The following UFSP2 variants were observed in gnomAD, a reference collection of about 807,000 sequenced individuals.
The protein encoded by UFSP2 is UFM1 specific peptidase 2.
A neutral mutation model predicts 60.2 loss-of-function variants in UFSP2; 43 were observed. That is an observed-to-expected ratio of 0.71 (90% CI 0.56 to 0.92). The LOEUF (loss-of-function observed/expected upper bound fraction) is 0.92, where lower values mean the gene tolerates loss of function less well. Ranked by LOEUF, UFSP2 falls within the 40% of genes least tolerant of loss-of-function variation. The pLI is 0.00. For missense variants in UFSP2, 520 were observed against 575.0 expected (o/e 0.90, Z 0.98); for synonymous variants, 183 against 195.1 (o/e 0.94, Z 0.52).
intron 4 of UFSP2, among the ~76,000 whole-genome samples, chr4:185,417,524 C>T (rs1242215321): frequency 6.6e-6 from 1 of 152,184 alleles, no homozygotes; most frequent in East Asian, 1.9e-4. Context: ...TGCAATCCCT[C>T]TTCTCTATTT....
chr4:185,419,437 A>C (rs1364676065), intron 2 of UFSP2, among the ~76,000 whole-genome samples: 1 of 152,088 alleles, frequency 6.6e-6, no homozygotes, highest in Non-Finnish European at 1.5e-5. Context: ...GCCCTCCTAC[A>C]TCTTTTCTAA....
Position 185,400,341 on chromosome 4 carries a change from A to G in UFSP2, c.*51T>C, listed in dbSNP as rs2095511796. The G allele has an allele frequency of 3.6e-6, 5 of 1,380,392 alleles. No homozygotes were observed. The highest frequency in any genetic ancestry group is 5.1e-6 in the Non-Finnish European group (5 of 987,252). The allele number at this position is 1,380,392 out of a possible 1,614,324, so 85.5% of individuals were successfully genotyped here. On this transcript the variant is annotated 3_prime_UTR_variant, in exon 12 of 12. Transcript: ENST00000264689. ...ATGTGAAAAATTAAACTGATTCTTT[A>G]TTCACAAATTTATAATACCACTCTA...
At position 185,403,610 on chromosome 4, in the gene UFSP2, C is replaced by T; in HGVS notation, c.1207G>A (p.Val403Ile). Residue 403 changes from valine to isoleucine, a missense_variant, in exon 11 of 12, where the codon GTT (valine) becomes ATT (isoleucine). By Grantham distance (29) the Val-to-Ile change is conservative (BLOSUM62 3). Transcript: ENST00000264689. ...ACTCCTAGTATTGTGTGGGCCAAAA[C>T]TCCTCCCCCTATAGAAGAAAAAATA... The part of the protein sequence containing the change: ...EGTPVMIGGG[V>I]LAHTILGVAW... The T allele has an allele frequency of 1.2e-6, 2 of 1,610,436 alleles. No individual in the cohort carries two copies. The highest frequency in any genetic ancestry group is 1.7e-6 in the Non-Finnish European group (2 of 1,179,088).
Position 185,403,597 on chromosome 4 carries a change from G to C in UFSP2, c.1220C>G (p.Thr407Arg). Residue 407 changes from threonine (T) to arginine (R), a missense_variant, in exon 11 of 12, where the codon ACA becomes AGA. Physicochemically the swap from Thr to Arg is moderately conservative, Grantham distance 71 (BLOSUM62 -1). Coordinates refer to ENST00000264689, the MANE Select transcript of UFSP2 (RefSeq NM_018359.5). ...VMIGGGVLAH[T>R]ILGVAWNEIT... Reference sequence around the variant, plus strand: ...CTCATTCCATGCAACTCCTAGTATTGTGTGGGCCAAAACTCCTCCCCCTAT... The same window carrying C: ...CTCATTCCATGCAACTCCTAGTATTCTGTGGGCCAAAACTCCTCCCCCTAT... 1 of 1,613,222 alleles carries C rather than the reference G, an allele frequency of 6.2e-7. No homozygotes were observed. The highest frequency in any genetic ancestry group is 8.5e-7 in the Non-Finnish European group (1 of 1,179,778).
Position 185,425,855 on chromosome 4 carries a change from G to A in UFSP2, c.3+11C>T, listed in dbSNP as rs1215551692. ...AAAACACAGGGGTCGGTGACGAGCA[G>A]AGATACTCACCATGTCCGCGACGTG... On this transcript the variant is annotated intron_variant, in intron 1 of 11. Transcript: ENST00000264689. The A allele has an allele frequency of 1.2e-6, 2 of 1,604,410 alleles. No individual in the cohort carries two copies. The highest frequency in any genetic ancestry group is 1.7e-6 in the Non-Finnish European group (2 of 1,175,702).
At chr4:185,417,966 C>G (rs1237290934) in intron 4 of UFSP2, among the ~76,000 whole-genome samples, 1 of 151,646 alleles carries the variant, frequency 6.6e-6, no homozygotes, top group Non-Finnish European at 1.5e-5. Flanking sequence ...ATCACTTGAA[C>G]CCGGGAGGCG....
intron 4 of UFSP2, among the ~76,000 whole-genome samples, chr4:185,417,504 A>C (rs1015317917): frequency 6.6e-6 from 1 of 152,126 alleles, no homozygotes; most frequent in African/African-American, 2.4e-5. Context: ...ATCCCTAAAT[A>C]TCTCTTGTAT....
chr4:185,423,447 T>C (rs934709373), intron 1 of UFSP2, among the ~76,000 whole-genome samples: 1 of 152,200 alleles, frequency 6.6e-6, no homozygotes, highest in African/African-American at 2.4e-5. Flanking sequence ...TTTATATTCA[T>C]AGGCTTGATC....
intron 7 of UFSP2, among the ~76,000 whole-genome samples, chr4:185,412,295 A>G (rs2095530739): frequency 6.6e-6 from 1 of 152,202 alleles, no homozygotes; most frequent in African/African-American, 2.4e-5. Flanking sequence ...CTAAGGAACT[A>G]TTCTTTTTGT....
intron 10 of UFSP2, among the ~76,000 whole-genome samples, chr4:185,404,364 C>G (rs368376143): frequency 6.8e-6 from 1 of 146,216 alleles, no homozygotes; most frequent in African/African-American, 2.6e-5. Flanking sequence ...AGCGTGACCT[C>G]GGCTCACTGC....
chr4:185,418,439 ACCATGTCTGATAACTTTTTGT>A lies in UFSP2; in HGVS notation c.314_333+1del. On this transcript the variant is annotated splice_donor_variant and coding_sequence_variant, in exon 4 of 12. Coordinates refer to ENST00000264689, the MANE Select transcript of UFSP2 (RefSeq NM_018359.5). LOFTEE classifies it high-confidence loss of function. ...AGTACAGAAGACAGATAGTTTGCTT[ACCATGTCTGATAACTTTTTGT>A]CCTTCTTTCTCATGAATTTTCTTTT... is the stretch of plus-strand genomic sequence containing the variant. 1 of 1,601,794 alleles carries A rather than the reference ACCATGTCTGATAACTTTTTGT, an allele frequency of 6.2e-7. No individual in the cohort carries two copies. Among genetic ancestry groups the A allele is most frequent in the Non-Finnish European group, 8.5e-7 (1 of 1,169,976 alleles).
At chr4:185,403,934 G>A (rs1441167395) in intron 10 of UFSP2, among the ~76,000 whole-genome samples, 8 of 125,948 alleles carry the variant, frequency 6.4e-5, no homozygotes, top group South Asian at 2.7e-4. Context: ...TCATGCCACC[G>A]CACTCCAGCC....
rs75415917 is a variant in UFSP2, at chr4:185,408,335, C to G, written c.932G>C (p.Cys311Ser). Residue 311 changes from cysteine (C) to serine (S), a missense_variant, in exon 8 of 12, where the codon TGC (cysteine) becomes TCC (serine). Coordinates refer to ENST00000264689, the MANE Select transcript of UFSP2 (RefSeq NM_018359.5). ...GTATCCCTGATGTTTGAACCAAGAGCAGATAGTCTGCAGAGATCGATAAGC... is the reference window on the plus strand; with the variant it reads ...GTATCCCTGATGTTTGAACCAAGAGGAGATAGTCTGCAGAGATCGATAAGC... ...GCAYRSLQTI[C>S]SWFKHQGYTE... is the part of the protein sequence containing the mutation. The G allele has an allele frequency of 2.5e-3, 4,073 of 1,614,114 alleles. 79 individuals are homozygous for G. In the African/African-American group the frequency reaches 0.046, roughly 18 times the overall value.
At chr4:185,425,343 G>A (rs766570450) in intron 1 of UFSP2, among the ~76,000 whole-genome samples, 2 of 152,018 alleles carry the variant, frequency 1.3e-5, no homozygotes, top group African/African-American at 2.4e-5. Flanking sequence ...GTGGAGGCAC[G>A]GTTAGCAGAT....
chr4:185,422,639 G>C, intron 1 of UFSP2, 76 bp from the exon 2 acceptor site: 1 of 964,448 alleles, frequency 1.0e-6, no homozygotes. Context: ...TAGAATCTAA[G>C]TTTAGTGTTA....
chr4:185,400,156 A>G lies in UFSP2; in HGVS notation c.*236T>C. 1.2e-6 allele frequency: 1 copy of G among 824,920 alleles called. No individual in the cohort carries two copies. The highest frequency in any genetic ancestry group is 1.8e-5 in the South Asian group (1 of 56,698). 51.1% of individuals were successfully genotyped at this position (824,920 alleles called of 1,614,324 possible). On this transcript the variant is annotated 3_prime_UTR_variant, in exon 12 of 12. Coordinates refer to ENST00000264689, the MANE Select transcript of UFSP2 (RefSeq NM_018359.5). Reference sequence around the variant, plus strand: ...AAAACTTTCTTCCAAGTGAAGATCCATTTAAGAACACATGTATTTACATGC... The same window carrying G: ...AAAACTTTCTTCCAAGTGAAGATCCGTTTAAGAACACATGTATTTACATGC...
chr4:185,422,567 GAACA>G lies in UFSP2; in HGVS notation c.4-8_4-5del. 6.3e-7 allele frequency: 1 copy of G among 1,586,862 alleles called. No individual in the cohort carries two copies. The highest frequency in any genetic ancestry group is 8.6e-7 in the Non-Finnish European group (1 of 1,169,514). On this transcript the variant is annotated splice_polypyrimidine_tract_variant and splice_region_variant and intron_variant, in intron 1 of 11. Coordinates refer to ENST00000264689, the MANE Select transcript of UFSP2 (RefSeq NM_018359.5). Reference sequence around the variant, plus strand: ...TATCCATACTTTCTGAAATCACCTAGAACAAATAAAGATAAAGACAAACTCCCTT... The same window carrying G: ...TATCCATACTTTCTGAAATCACCTAGAATAAAGATAAAGACAAACTCCCTT...
At chr4:185,416,900 T>G (rs148339697) in intron 4 of UFSP2, among the ~76,000 whole-genome samples, 1 of 152,226 alleles carries the variant, frequency 6.6e-6, no homozygotes, top group Non-Finnish European at 1.5e-5. Context: ...TTTAGAAAAA[T>G]CACCACTTTG....
In UFSP2 at chr4:185,411,132, T is replaced by TA. The variant is rs76464296; in HGVS notation, c.831+2593dup. On this transcript the variant is annotated intron_variant, in intron 7 of 11. Coordinates refer to ENST00000264689, the MANE Select transcript of UFSP2 (RefSeq NM_018359.5). The stretch of plus-strand genomic sequence containing the variant: ...ACAAAGCCAAAAGTTTTTTTTTTTT[T>TA]AAAAGACACAAGGCATAAAAATGAT... Among the ~76,000 whole-genome samples, 671 of 148,920 alleles carry TA rather than the reference T, an allele frequency of 4.5e-3. 1 individual carries two copies. The highest frequency in any genetic ancestry group is 6.4e-3 in the Non-Finnish European group (427 of 67,136).
Sources: allele counts gnomAD v4.1 joint callset (sites outside exome capture counted in the v4.1 genomes callset), GRCh38; gene constraint gnomAD v4.1.1; transcripts MANE v1.5; gene names NCBI Gene and HGNC (gene_info 2026-07-23, HGNC 2026-07-21).